STAG3: variants seen among roughly 807,000 people sequenced by gnomAD.
STAG3 encodes cohesin subunit SA-3.
STAG3 carries 101 observed loss-of-function variants against 160.7 expected under a neutral mutation model. The observed-to-expected ratio is 0.63, with a 90% CI of 0.54 to 0.74. The LOEUF is 0.74. STAG3 is among the 30% of genes least tolerant of loss of function. The pLI, the probability that STAG3 is intolerant of heterozygous loss-of-function variation, is 0.00. For missense variants in STAG3, 1,188 were observed against 1,517.4 expected, an observed-to-expected ratio of 0.78 and a Z score of 3.61; for synonymous variants, 519 against 585.0, an observed-to-expected ratio of 0.89 and a Z score of 1.63.
At chr7:100,179,811 C>G (rs547300817) in intron 1 of STAG3, among the ~76,000 whole-genome samples, 1 of 152,180 alleles carries the variant, frequency 6.6e-6, no homozygotes, top group Non-Finnish European at 1.5e-5. Context: ...TCTCAGCTCA[C>G]CACAACCTCC....
chr7:100,177,993 C>G lies in STAG3; in HGVS notation c.-77C>G, dbSNP rs1352064385. 1.3e-5 allele frequency: 2 copies of G among 152,378 alleles called. No individual in the cohort carries two copies. The highest frequency in any genetic ancestry group is 4.8e-5 in the African/African-American group (2 of 41,470). The allele number at this position is 152,378 out of a possible 1,614,324, so 9.4% of individuals were successfully genotyped here. On this transcript the variant is annotated 5_prime_UTR_variant, in exon 1 of 34. Coordinates refer to ENST00000615138, the MANE Select transcript of STAG3 (RefSeq NM_001282717.2). ...GGAAGGTGGGGTGGCCAGAGACACC[C>G]GAGGGACCTGAGGTGGGGACCTTCC...
chr7:100,206,581 C>G (rs1186019243), intron 29 of STAG3, among the ~76,000 whole-genome samples: 4 of 152,200 alleles, frequency 2.6e-5, no homozygotes, highest in Non-Finnish European at 5.9e-5. Flanking sequence ...AAGTGGTTCT[C>G]CTCCCTCAGC....
In STAG3 at chr7:100,213,658, A is replaced by AAGGAACTG; in HGVS notation, c.3601-76_3601-69dup. 2.5e-6 allele frequency: 4 copies of AAGGAACTG among 1,608,586 alleles called. No homozygotes were observed. The South Asian group carries it at 4.4e-5, about 18-fold the overall frequency. On this transcript the variant is annotated intron_variant, in intron 32 of 33. Transcript: ENST00000615138. ...CATATTTGTTCTTATGAGGCTGGGA[A>AAGGAACTG]AGGAACTGGTTTTTTTATTTGCGAA...
At chr7:100,202,073 C>T (rs760761192) in intron 23 of STAG3, 32 bp downstream of exon 23, 21 of 1,612,818 alleles carry the variant, frequency 1.3e-5, no homozygotes, top group Admixed American at 6.7e-5. Flanking sequence ...AGCAACAAGG[C>T]GAGTATCCCT....
chr7:100,211,201 G>T lies in STAG3; in HGVS notation c.3413+16G>T. 1 of 1,543,676 alleles carries T rather than the reference G, an allele frequency of 6.5e-7. No homozygotes were observed. Among genetic ancestry groups the T allele is most frequent in the Non-Finnish European group, 8.7e-7 (1 of 1,148,036 alleles). On this transcript the variant is annotated intron_variant, in intron 30 of 33. Transcript: ENST00000615138. ...TTGCCCAGGGGTGAGGCCATGGAGG[G>T]AATCTGGGTGTCTGAGTTCCCAGTT...
At position 100,182,772 on chromosome 7, in the gene STAG3, G is replaced by A. The variant is rs749127387; in HGVS notation, c.269G>A (p.Arg90Gln). ...TCCCGAGTGGTACATCGTCATAGCC[G>A]GAAACAGTCAGAGCCACCAGCCAAT... ...KGSRVVHRHSRKQSEPPANDL... is the reference protein window; with the variant it reads ...KGSRVVHRHSQKQSEPPANDL... The change falls in exon 4 of 34, where the codon CGG becomes CAG. Residue 90 changes from arginine to glutamine, a missense_variant. Physicochemically the swap from Arg to Gln is conservative, Grantham distance 43. Coordinates refer to ENST00000615138, the MANE Select transcript of STAG3 (RefSeq NM_001282717.2). 2.5e-5 allele frequency: 40 copies of A among 1,613,664 alleles called. No homozygotes were observed. The highest frequency in any genetic ancestry group is 3.2e-5 in the Non-Finnish European group (38 of 1,179,880).
rs757132907 is a variant in STAG3, at chr7:100,197,313, T to C, written c.1065+34T>C. 8.7e-6 allele frequency: 14 copies of C among 1,602,278 alleles called. No individual in the cohort carries two copies. The South Asian group carries it at 1.5e-4, about 18-fold the overall frequency. On this transcript the variant is annotated intron_variant, in intron 10 of 33. Transcript: ENST00000615138. ...CGAGTCAGTTTCCCTTTCCGTTTCC[T>C]TCATCTTTTTCCTGTCCTAGGACAT...
rs191137766 is a variant in STAG3, at chr7:100,180,646, C to T, written c.90C>T (p.Asp30=). 1.9e-6 allele frequency: 3 copies of T among 1,611,566 alleles called. No individual in the cohort carries two copies. The highest frequency in any genetic ancestry group is 2.7e-5 in the African/African-American group (2 of 74,904). Residue 30 remains aspartate, a synonymous_variant, in exon 2 of 34, where the codon GAC becomes GAT. Transcript: ENST00000615138. ...SSSSASLPFD[D]RDSNHTSEGN... ...CCTCTGCCAGTCTACCCTTTGATGA[C>T]AGGGACTCAAACCATACCTCAGAGG...
At position 100,203,472 on chromosome 7, in the gene STAG3, T is replaced by C. The variant is rs192866183; in HGVS notation, c.2701-549T>C. Among the ~76,000 whole-genome samples the C allele has an allele frequency of 4.7e-3, 705 of 149,976 alleles. 6 individuals carry two copies. Among genetic ancestry groups the C allele is most frequent in the African/African-American group, 0.016 (667 of 40,982 alleles). On this transcript the variant is annotated intron_variant, in intron 25 of 33. Transcript: ENST00000615138. ...CTGGGATTATAGGCGTGAGCCACCA[T>C]GCCTGGCCTGTTTCATTATTTGTTT...
intron 6 of STAG3, 80 bp downstream of exon 6, chr7:100,188,609 T>C (rs1465114909): frequency 5.6e-5 from 70 of 1,243,700 alleles, no homozygotes; most frequent in Non-Finnish European, 7.7e-5. Context: ...TTTGATTCTG[T>C]GAAATAGGGT....
At chr7:100,187,041 T>G (rs191604722) in intron 5 of STAG3, among the ~76,000 whole-genome samples, 1 of 149,688 alleles carries the variant, frequency 6.7e-6, no homozygotes, top group Admixed American at 6.6e-5. Context: ...TTTTTTTTTG[T>G]TTTTTTTTGA....
chr7:100,212,436 A>G (rs1802317279), intron 32 of STAG3: 2 of 151,786 alleles, frequency 1.3e-5, no homozygotes, highest in South Asian at 4.2e-4. Flanking sequence ...CTCAGCCTCC[A>G]TTTTCTCATC....
intron 16 of STAG3, among the ~76,000 whole-genome samples, chr7:100,199,855 A>T (rs1800962892): frequency 1.3e-5 from 2 of 150,680 alleles, no homozygotes; most frequent in Admixed American, 1.3e-4. Flanking sequence ...GGAGATCGAG[A>T]CCATCCTGGC....
At chr7:100,196,968 T>TA (rs1452345128) in intron 9 of STAG3, among the ~76,000 whole-genome samples, 188 bp from the exon 10 acceptor site, 5 of 151,972 alleles carry the variant, frequency 3.3e-5, no homozygotes, top group African/African-American at 9.7e-5. Context: ...TCCTATCCCT[T>TA]AAAAAAAATA....
At chr7:100,181,156 C>T (rs1481074351) in intron 2 of STAG3, among the ~76,000 whole-genome samples, 4 of 152,030 alleles carry the variant, frequency 2.6e-5, no homozygotes, top group Non-Finnish European at 5.9e-5. Context: ...TCCCCTATTT[C>T]TTCTACTTGG....
chr7:100,207,498 T>A lies in STAG3; in HGVS notation c.3238+2114T>A, dbSNP rs1046188254. Among the ~76,000 whole-genome samples the A allele has an allele frequency of 6.6e-6, 1 of 152,254 alleles. No individual in the cohort carries two copies. The highest frequency in any genetic ancestry group is 1.5e-5 in the Non-Finnish European group (1 of 68,046). On this transcript the variant is annotated intron_variant, in intron 29 of 33. Transcript: ENST00000615138. The surrounding 1 kb of genome is among the most constrained non-coding windows in gnomAD (Gnocchi z 4.0). ...GGTATTGAGCATCTTTTCATGTGCT[T>A]ATTGACAATTTGTTTATCTTCTTTG...
In STAG3 at chr7:100,213,581, G is replaced by C. The variant is rs1623264; in HGVS notation, c.3601-154G>C. ...GCGCTCTGCAGTCAGGCCTGATCCT[G>C]GTGCCCACACTGACTTCCCTCCCAG... On this transcript the variant is annotated intron_variant, in intron 32 of 33. Transcript: ENST00000615138. 713,637 of 985,310 alleles carry C rather than the reference G, an allele frequency of 0.72. 259,673 individuals are homozygous for C. Among genetic ancestry groups the C allele is most frequent in the Middle Eastern group, 0.85 (1,619 of 1,914 alleles). 61.0% of individuals were successfully genotyped at this position (985,310 alleles called of 1,614,324 possible). A position where few individuals can be genotyped will look rare whatever the true frequency, so the allele number is the denominator to read the frequency against.
intron 11 of STAG3, 31 bp downstream of exon 11, chr7:100,197,907 C>A: frequency 6.3e-7 from 1 of 1,596,924 alleles, no homozygotes; most frequent in Non-Finnish European, 8.6e-7. Flanking sequence ...TGGCTTGGCT[C>A]TTTGTCGTGG....
chr7:100,181,713 C>T (rs778106133), intron 2 of STAG3, among the ~76,000 whole-genome samples: 4 of 152,028 alleles, frequency 2.6e-5, no homozygotes, highest in Admixed American at 6.6e-5. Context: ...TTTGGGAGGC[C>T]GAGGCGGGTG....
Sources: gnomAD v4.1 joint callset for allele counts (sites outside exome capture counted in the v4.1 genomes callset) on GRCh38, gnomAD v4.1.1 for gene constraint, Gnocchi (gnomAD v3.1) non-coding constraint, MANE v1.5 for transcripts, NCBI Gene and HGNC (gene_info 2026-07-23, HGNC 2026-07-21) for gene names.